Variants in UGT8 observed in about 807,000 individuals in gnomAD.
UGT8 encodes UDP glycosyltransferase 8, also known as 2-hydroxyacylsphingosine 1-beta-galactosyltransferase.
Under a neutral mutation model 40.5 loss-of-function variants are expected in UGT8, and 12 were observed. The ratio of observed to expected loss-of-function variants is 0.30; its 90% CI spans 0.19 to 0.48. UGT8 has a LOEUF of 0.48. UGT8 is among the 20% of genes least tolerant of loss of function. UGT8 has a pLI of 0.99. For synonymous variants in UGT8, 224 were observed against 240.4 expected, an observed-to-expected ratio of 0.93 and a Z score of 0.63; for missense variants, 513 against 648.7, an observed-to-expected ratio of 0.79 and a Z score of 2.27.
chr4:114,633,590 G>A (rs1305751765), intron 2 of UGT8, among the ~76,000 whole-genome samples: 2 of 152,194 alleles, frequency 1.3e-5, no homozygotes, highest in African/African-American at 2.4e-5. Context: ...CACTGTCCAA[G>A]GTTTGGATTT....
chr4:114,603,117 T>C (rs1730534483), intron 1 of UGT8, among the ~76,000 whole-genome samples: 1 of 152,046 alleles, frequency 6.6e-6, no homozygotes, highest in Non-Finnish European at 1.5e-5. Context: ...ACCAATTTGG[T>C]TGGAGGATTG....
chr4:114,668,203 G>A lies in UGT8; in HGVS notation c.1161G>A (p.Met387Ile). Reference protein sequence around the residue: ...IPLFGDHYDTMTRVQAKGMGI... With the variant: ...IPLFGDHYDTITRVQAKGMGI... Reference sequence around the variant, plus strand: ...TCTTTGGAGACCATTATGATACTATGACCAGAGTACAGGCAAAAGGCATGG... The same window carrying A: ...TCTTTGGAGACCATTATGATACTATAACCAGAGTACAGGCAAAAGGCATGG... Residue 387 changes from methionine (M) to isoleucine (I), a missense_variant, in exon 5 of 6, where the codon ATG becomes ATA. Met to Ile is a conservative substitution (Grantham distance 10). Around this residue, in one of 3 missense-constraint regions of UGT8, gnomAD observed 175 missense variants for 186.7 expected, o/e 0.94. Coordinates refer to ENST00000310836, the MANE Select transcript of UGT8 (RefSeq NM_001128174.3). 1 of 1,613,834 alleles carries A rather than the reference G, an allele frequency of 6.2e-7. No homozygotes were observed. The highest frequency in any genetic ancestry group is 8.5e-7 in the Non-Finnish European group (1 of 1,179,856).
intron 1 of UGT8, among the ~76,000 whole-genome samples, chr4:114,610,482 G>A (rs183185773): frequency 3.3e-5 from 5 of 152,132 alleles, no homozygotes; most frequent in East Asian, 1.9e-4. Flanking sequence ...GGTGAATATC[G>A]GTTATAATCA....
chr4:114,617,048 C>T (rs575712379), intron 1 of UGT8, among the ~76,000 whole-genome samples: 5 of 151,986 alleles, frequency 3.3e-5, no homozygotes, highest in South Asian at 2.1e-4. Context: ...GTCAGGAGTT[C>T]GAGACCAGTT....
intron 1 of UGT8, among the ~76,000 whole-genome samples, chr4:114,618,720 A>G (rs1313174152): frequency 6.6e-6 from 1 of 152,158 alleles, no homozygotes; most frequent in Non-Finnish European, 1.5e-5. Flanking sequence ...TTTCCAGATA[A>G]TCCTTTAAAG....
intron 2 of UGT8, among the ~76,000 whole-genome samples, chr4:114,634,902 T>G (rs1732793542): frequency 6.6e-6 from 1 of 152,198 alleles, no homozygotes; most frequent in Non-Finnish European, 1.5e-5. Flanking sequence ...CTTCCATTCT[T>G]AAATCGTTCT....
Position 114,664,139 on chromosome 4 carries a change from T to C in UGT8, c.965+2T>C, listed in dbSNP as rs1270938523. On this transcript the variant is annotated splice_donor_variant, in intron 3 of 5. Coordinates refer to ENST00000310836, the MANE Select transcript of UGT8 (RefSeq NM_001128174.3). LOFTEE classifies it high-confidence loss of function. ...ATTGCCTCAAAAAGTGATTTGGAGG[T>C]AAGGTAATAATGTAGATTGTTTCTT... 6.2e-7 allele frequency: 1 copy of C among 1,613,318 alleles called. No homozygotes were observed. Among genetic ancestry groups the C allele is most frequent in the Non-Finnish European group, 8.5e-7 (1 of 1,179,816 alleles).
intron 1 of UGT8, among the ~76,000 whole-genome samples, chr4:114,599,866 A>G (rs1730336301): frequency 6.6e-6 from 1 of 152,124 alleles, no homozygotes; most frequent in African/African-American, 2.4e-5. Context: ...CAAAAGGACA[A>G]TCTGAGGAGG....
In UGT8 at chr4:114,677,369, T is replaced by C. The variant is rs1208876789; in HGVS notation, c.*1081T>C. ...ACATTTAATTCTTTTAAATGGAACA[T>C]TTGCAGTTTTCCATATTGGTACCTG... On this transcript the variant is annotated 3_prime_UTR_variant, in exon 6 of 6. Transcript: ENST00000310836. The C allele has an allele frequency of 1.3e-5, 2 of 152,250 alleles. No homozygotes were observed. The highest frequency in any genetic ancestry group is 2.4e-5 in the African/African-American group (1 of 41,470). 9.4% of individuals were successfully genotyped at this position (152,250 alleles called of 1,614,324 possible). A position where few individuals can be genotyped will look rare whatever the true frequency, so the allele number is the denominator to read the frequency against.
intron 4 of UGT8, among the ~76,000 whole-genome samples, chr4:114,667,589 T>C (rs1734967519): frequency 6.6e-6 from 1 of 152,206 alleles, no homozygotes; most frequent in African/African-American, 2.4e-5. Context: ...AACTTGAATG[T>C]TGTGAATAGT....
chr4:114,662,157 A>G (rs566438112), intron 2 of UGT8, among the ~76,000 whole-genome samples: 3 of 152,314 alleles, frequency 2.0e-5, no homozygotes, highest in African/African-American at 7.2e-5. Flanking sequence ...AAACTATCAT[A>G]AGTTGAAAAT....
chr4:114,622,193 G>A (rs1560675112), intron 1 of UGT8, among the ~76,000 whole-genome samples: 1 of 149,106 alleles, frequency 6.7e-6, no homozygotes, highest in Non-Finnish European at 1.5e-5. Context: ...CTATGAGTGA[G>A]AATATGCGGT....
chr4:114,606,944 C>T (rs961917635), intron 1 of UGT8, among the ~76,000 whole-genome samples: 2 of 152,072 alleles, frequency 1.3e-5, no homozygotes, highest in Non-Finnish European at 2.9e-5. Flanking sequence ...AAATAGGGAG[C>T]GTCTTGCCAG....
intron 5 of UGT8, among the ~76,000 whole-genome samples, chr4:114,669,546 C>T (rs1056600377): frequency 6.6e-6 from 1 of 151,982 alleles, no homozygotes; most frequent in African/African-American, 2.4e-5. Flanking sequence ...CTGAAATTGG[C>T]TCAGATGAAA....
At position 114,598,832 on chromosome 4, in the gene UGT8, T is replaced by C; in HGVS notation, c.-145T>C. 1 of 152,482 alleles carries C rather than the reference T, an allele frequency of 6.6e-6. No individual in the cohort carries two copies. The highest frequency in any genetic ancestry group is 1.5e-5 in the Non-Finnish European group (1 of 68,374). The allele number at this position is 152,482 out of a possible 1,614,324, so 9.4% of individuals were successfully genotyped here. Reference sequence around the variant, plus strand: ...AGAGAGCCCTCCTTAGCCAACACGCTAACTCCGAAGCCTCCCTTACGCCCC... The same window carrying C: ...AGAGAGCCCTCCTTAGCCAACACGCCAACTCCGAAGCCTCCCTTACGCCCC... On this transcript the variant is annotated 5_prime_UTR_variant, in exon 1 of 6. Transcript: ENST00000310836.
intron 1 of UGT8, among the ~76,000 whole-genome samples, chr4:114,610,897 A>C (rs1283660336): frequency 6.6e-6 from 1 of 152,186 alleles, no homozygotes; most frequent in Non-Finnish European, 1.5e-5. Flanking sequence ...TAAAGAAAGA[A>C]TATCTTAATT....
At chr4:114,651,084 A>G (rs865933159) in intron 2 of UGT8, among the ~76,000 whole-genome samples, 4 of 152,010 alleles carry the variant, frequency 2.6e-5, no homozygotes, top group Admixed American at 1.3e-4. Flanking sequence ...GTGTTCTCCA[A>G]TTGCCTAATC....
At position 114,623,571 on chromosome 4, in the gene UGT8, T is replaced by C; in HGVS notation, c.691T>C (p.Tyr231His). The change falls in exon 2 of 6, where the codon TAT becomes CAT. Residue 231 changes from tyrosine (Y) to histidine (H), a missense_variant. Tyr to His is a moderately conservative substitution (Grantham distance 83). Transcript: ENST00000310836. ...CAACCTGCTGCCAGAGAAGTCCATG[T>C]ATGATTTGGTTCATGGGTCCAGCCT... ...KYNLLPEKSM[Y>H]DLVHGSSLWM... The C allele has an allele frequency of 6.2e-7, 1 of 1,614,120 alleles. No homozygotes were observed. Among genetic ancestry groups the C allele is most frequent in the Middle Eastern group, 1.6e-4 (1 of 6,062 alleles).
intron 5 of UGT8, among the ~76,000 whole-genome samples, chr4:114,673,379 A>G (rs1258906943): frequency 6.6e-6 from 1 of 152,198 alleles, no homozygotes; most frequent in East Asian, 1.9e-4. Context: ...CAGAATAGTC[A>G]TACAAAATGA....
Sources: allele counts gnomAD v4.1 joint callset (sites outside exome capture counted in the v4.1 genomes callset), GRCh38; gene constraint gnomAD v4.1.1; regional missense constraint gnomAD v4.1.1; transcripts MANE v1.5; gene names NCBI Gene and HGNC (gene_info 2026-07-23, HGNC 2026-07-21).